Variants in DPP10 observed in about 807,000 individuals in gnomAD.
The protein encoded by DPP10 is dipeptidyl peptidase like 10.
A neutral mutation model predicts 120.9 loss-of-function variants in DPP10; 33 were observed. The observed-to-expected ratio is 0.27, with a 90% CI of 0.21 to 0.37. The LOEUF (loss-of-function observed/expected upper bound fraction) is 0.37. DPP10 is among the 10% of genes least tolerant of loss of function. DPP10 has a pLI of 1.00. For synonymous variants in DPP10, 337 were observed against 326.1 expected (o/e 1.03, Z -0.36); for missense variants, 816 against 942.8 (o/e 0.87, Z 1.76).
At chr2:115,573,907 T>C (rs2081501419) in intron 5 of DPP10, among the ~76,000 whole-genome samples, 2 of 152,176 alleles carry the variant, frequency 1.3e-5, no homozygotes, top group African/African-American at 4.8e-5. Flanking sequence ...CCTATTGCTC[T>C]GTATGCATCT....
intron 1 of DPP10, among the ~76,000 whole-genome samples, chr2:115,236,410 T>C (rs1482908215): frequency 6.6e-6 from 1 of 152,204 alleles, no homozygotes; most frequent in African/African-American, 2.4e-5. Context: ...TGTTTATTAA[T>C]AATAACAGGA....
chr2:115,534,555 A>C (rs1030384119), intron 5 of DPP10, among the ~76,000 whole-genome samples: 7 of 152,000 alleles, frequency 4.6e-5, no homozygotes, highest in Non-Finnish European at 7.4e-5. Flanking sequence ...ATTTTGAATA[A>C]TGCCGCAATA....
intron 1 of DPP10, among the ~76,000 whole-genome samples, chr2:115,142,580 C>G (rs1204772154): frequency 1.3e-5 from 2 of 152,170 alleles, no homozygotes; most frequent in African/African-American, 4.8e-5. Context: ...AACTGAAAAT[C>G]AGGGGTGAGT....
At chr2:114,882,573 G>T (rs911567232) in intron 1 of DPP10, among the ~76,000 whole-genome samples, 18 of 152,154 alleles carry the variant, frequency 1.2e-4, no homozygotes, top group Admixed American at 2.6e-4. Flanking sequence ...AGGTATAACT[G>T]GGTGCAGTGT....
chr2:115,624,691 G>A (rs902013251), intron 5 of DPP10, among the ~76,000 whole-genome samples: 4 of 152,150 alleles, frequency 2.6e-5, no homozygotes, highest in African/African-American at 9.7e-5. Flanking sequence ...TAGATGGTTG[G>A]CATGCAATAA....
intron 1 of DPP10, among the ~76,000 whole-genome samples, chr2:114,777,776 A>G (rs1681895339): frequency 6.6e-6 from 1 of 152,124 alleles, no homozygotes; most frequent in African/African-American, 2.4e-5. Context: ...CTATATGGTA[A>G]TGACATCATT....
intron 1 of DPP10, among the ~76,000 whole-genome samples, chr2:114,880,998 C>A (rs1691556642): frequency 6.6e-6 from 1 of 152,076 alleles, no homozygotes; most frequent in Non-Finnish European, 1.5e-5. Context: ...TTTCTGATGC[C>A]AGTGTGACTG....
Position 114,935,205 on chromosome 2 carries a change from C to G in DPP10, c.61-374034C>G, listed in dbSNP as rs766942530. Among the ~76,000 whole-genome samples, 138 of 152,252 alleles carry G rather than the reference C, an allele frequency of 9.1e-4. 1 individual carries two copies. The highest frequency in any genetic ancestry group is 1.5e-3 in the Non-Finnish European group (102 of 68,024). On this transcript the variant is annotated intron_variant, in intron 1 of 25. Coordinates refer to ENST00000410059, the MANE Select transcript of DPP10 (RefSeq NM_020868.6). The stretch of plus-strand genomic sequence containing the variant: ...TTCTACTCTAATCTCTCCCTGCGAT[C>G]TTGATCTATGAGATACTTGCCCCTT...
At chr2:114,854,087 T>C (rs1405919765) in intron 1 of DPP10, among the ~76,000 whole-genome samples, 1 of 152,216 alleles carries the variant, frequency 6.6e-6, no homozygotes, top group East Asian at 1.9e-4. Context: ...AGTAGATGTT[T>C]AATACATATG....
At chr2:114,739,171 A>G (rs1284444847) in intron 1 of DPP10, among the ~76,000 whole-genome samples, 1 of 152,178 alleles carries the variant, frequency 6.6e-6, no homozygotes, top group Non-Finnish European at 1.5e-5. Context: ...GAAAATGATA[A>G]TCTAAATAAG....
intron 1 of DPP10, chr2:114,833,595 A>G (rs1161427522): frequency 6.6e-6 from 1 of 152,144 alleles, no homozygotes; most frequent in Admixed American, 6.5e-5. Context: ...TGGGCACTGA[A>G]TTTTGATTGC....
intron 3 of DPP10, among the ~76,000 whole-genome samples, chr2:115,451,761 A>T (rs940934205): frequency 9.9e-5 from 15 of 152,020 alleles, no homozygotes; most frequent in African/African-American, 3.6e-4. Context: ...CAAAAACATT[A>T]TAAAAATTAA....
rs556241542 is a variant in DPP10 at position 114,873,320 on chromosome 2, G to T, written c.60+430482G>T. 3.9e-5 allele frequency among the ~76,000 whole-genome samples: 6 copies of T among 152,242 alleles called. No homozygotes were observed. The South Asian group carries it at 1.2e-3, about 32-fold the overall frequency. ...TGGCAGAGGATATTGAGGCACAATT[G>T]CTAAAGAGGATGAATGAGCCACTGT... On this transcript the variant is annotated intron_variant, in intron 1 of 25. Coordinates refer to ENST00000410059, the MANE Select transcript of DPP10 (RefSeq NM_020868.6).
intron 1 of DPP10, among the ~76,000 whole-genome samples, chr2:115,250,273 C>T (rs1302212342): frequency 6.6e-6 from 1 of 152,120 alleles, no homozygotes; most frequent in Non-Finnish European, 1.5e-5. Context: ...AGACTCATTA[C>T]CCAAGATCAG....
intron 8 of DPP10, among the ~76,000 whole-genome samples, chr2:115,734,826 A>G (rs1429088146): frequency 6.6e-6 from 1 of 152,156 alleles, no homozygotes; most frequent in Non-Finnish European, 1.5e-5. Flanking sequence ...ATCAGTGTCA[A>G]TATCACAACT....
intron 1 of DPP10, among the ~76,000 whole-genome samples, chr2:114,735,627 C>T (rs1382568079): frequency 6.6e-6 from 1 of 152,074 alleles, no homozygotes; most frequent in African/African-American, 2.4e-5. Context: ...TACAATCAGG[C>T]GTCACCCTCA....
chr2:115,191,770 A>G (rs560621471), intron 1 of DPP10, among the ~76,000 whole-genome samples: 1 of 152,180 alleles, frequency 6.6e-6, no homozygotes, highest in Non-Finnish European at 1.5e-5. Flanking sequence ...CCTTCTCTCC[A>G]GCTTTGGATG....
chr2:115,326,293 A>G (rs1294087447), intron 2 of DPP10, among the ~76,000 whole-genome samples: 1 of 152,040 alleles, frequency 6.6e-6, no homozygotes, highest in East Asian at 1.9e-4. Flanking sequence ...CAACCGTAGT[A>G]AGGTCATAGT....
intron 8 of DPP10, among the ~76,000 whole-genome samples, chr2:115,731,331 G>A (rs2092904733): frequency 6.6e-6 from 1 of 151,616 alleles, no homozygotes. Context: ...ACTCCAGCCT[G>A]GTGACAGAGC....
Sources: allele counts gnomAD v4.1 joint callset (sites outside exome capture counted in the v4.1 genomes callset), GRCh38; gene constraint gnomAD v4.1.1; transcripts MANE v1.5; gene names NCBI Gene and HGNC (gene_info 2026-07-23, HGNC 2026-07-21).